The following TUSC3 variants were observed in gnomAD, a reference collection of about 807,000 sequenced individuals.
TUSC3 encodes dolichyl-diphosphooligosaccharide--protein glycosyltransferase subunit TUSC3.
In TUSC3, 45 loss-of-function variants were observed where a neutral mutation model predicts 44.8. The ratio of observed to expected loss-of-function variants is 1.00; its 90% confidence interval spans 0.79 to 1.29. The LOEUF (loss-of-function observed/expected upper bound fraction) is 1.29. TUSC3 is among the 50% of genes most tolerant of loss of function. The pLI, the probability that TUSC3 is intolerant of heterozygous loss-of-function variation, is 0.00. For synonymous variants in TUSC3, 212 were observed against 152.9 expected (o/e 1.39, Z -2.85); for missense variants, 519 against 437.9 (o/e 1.19, Z -1.65).
intron 2 of TUSC3, among the ~76,000 whole-genome samples, chr8:15,517,628 T>A (rs9325757): frequency 0.98 from 148,091 of 150,838 alleles, 72,742 homozygotes; most frequent in East Asian, 1. Context: ...TTACAAAATT[T>A]ACGAATGTAT....
intron 7 of TUSC3, among the ~76,000 whole-genome samples, chr8:15,736,190 C>T (rs557130051): frequency 1.9e-4 from 29 of 152,264 alleles, no homozygotes; most frequent in Admixed American, 1.7e-3. Flanking sequence ...GACAAGATGT[C>T]TGATGGTGTG....
chr8:15,740,449 C>T (rs946057598), intron 7 of TUSC3, among the ~76,000 whole-genome samples: 3 of 150,382 alleles, frequency 2.0e-5, no homozygotes, highest in Non-Finnish European at 4.4e-5. Context: ...TCAGTCAATT[C>T]GTATCTGGAA....
At chr8:15,672,478 G>A (rs1343958745) in intron 5 of TUSC3, among the ~76,000 whole-genome samples, 4 of 151,906 alleles carry the variant, frequency 2.6e-5, no homozygotes, top group African/African-American at 4.8e-5. Flanking sequence ...GGAAACTGAG[G>A]CCCAAAGCAA....
chr8:15,665,090 C>T (rs1349213258), intron 5 of TUSC3, among the ~76,000 whole-genome samples: 2 of 151,504 alleles, frequency 1.3e-5, no homozygotes, highest in South Asian at 2.1e-4. Context: ...ACTAATATCT[C>T]ATTTTTCCTT....
chr8:15,694,245 C>G (rs550649531), intron 6 of TUSC3, among the ~76,000 whole-genome samples: 4 of 151,994 alleles, frequency 2.6e-5, no homozygotes, highest in African/African-American at 7.2e-5. Context: ...GAGTTTCATA[C>G]CAGCCTAGCC....
intron 1 of TUSC3, among the ~76,000 whole-genome samples, chr8:15,550,490 T>G (rs2129136369): frequency 6.6e-6 from 1 of 151,804 alleles, no homozygotes; most frequent in Admixed American, 6.6e-5. Flanking sequence ...AAAACAAGGT[T>G]TCCTCATACC....
intron 2 of TUSC3, among the ~76,000 whole-genome samples, chr8:15,506,129 C>G (rs1164210772): frequency 1.3e-5 from 2 of 152,170 alleles, no homozygotes; most frequent in Non-Finnish European, 2.9e-5. Context: ...GTGACTTCCA[C>G]ATCATACCAG....
At chr8:15,525,980 G>C (rs565314555) in intron 2 of TUSC3, among the ~76,000 whole-genome samples, 2 of 152,162 alleles carry the variant, frequency 1.3e-5, no homozygotes, top group South Asian at 4.2e-4. Flanking sequence ...AGACAGTGAG[G>C]GTTTTCAAGC....
At chr8:15,604,581 G>A (rs1194764066) in intron 1 of TUSC3, among the ~76,000 whole-genome samples, 3 of 151,684 alleles carry the variant, frequency 2.0e-5, no homozygotes, top group African/African-American at 7.3e-5. Flanking sequence ...TTGCAAAGGG[G>A]ATTAACTTTT....
Position 15,482,247 on chromosome 8 carries a change from C to T in TUSC3, n.92-1139C>T, listed in dbSNP as rs544653118. ...TTCCACCACAATTCCAGTTAAACTT[C>T]CTCCACTGAAGTCTTGAGCCCCTCA... is the stretch of plus-strand genomic sequence containing the variant. On this transcript the variant is annotated intron_variant and non_coding_transcript_variant, in intron 1 of 5. Transcript: ENST00000503191. Among the ~76,000 whole-genome samples, 6 of 152,294 alleles carry T rather than the reference C, an allele frequency of 3.9e-5. No individual in the cohort carries two copies. In the South Asian group the frequency reaches 1.0e-3, roughly 26 times the overall value.
chr8:15,511,605 C>T (rs185711527), intron 2 of TUSC3, among the ~76,000 whole-genome samples: 39 of 152,232 alleles, frequency 2.6e-4, no homozygotes, highest in African/African-American at 8.7e-4. Context: ...TGCAGTAGCT[C>T]ACGCCTGTAA....
At chr8:15,530,000 T>C (rs1174726538) in intron 2 of TUSC3, among the ~76,000 whole-genome samples, 1 of 124,090 alleles carries the variant, frequency 8.1e-6, no homozygotes. Context: ...TTAGCCAGGA[T>C]GGTCTCGATC....
intron 1 of TUSC3, among the ~76,000 whole-genome samples, chr8:15,562,540 G>A (rs1802516409): frequency 6.6e-6 from 1 of 152,150 alleles, no homozygotes; most frequent in Admixed American, 6.5e-5. Context: ...GTCTGGGCAT[G>A]GTGTAGCTGG....
chr8:15,537,170 T>G (rs1423296449), upstream of TUSC3, among the ~76,000 whole-genome samples: 1 of 151,964 alleles, frequency 6.6e-6, no homozygotes, highest in Admixed American at 6.6e-5. Context: ...TCTGAGAGAT[T>G]GCTCTGCACA....
chr8:15,658,000 A>G (rs1168793720), intron 3 of TUSC3, among the ~76,000 whole-genome samples: 1 of 152,160 alleles, frequency 6.6e-6, no homozygotes. Flanking sequence ...GCACTTTTAT[A>G]ATAGCACTCA....
Position 15,650,763 on chromosome 8 carries a change from G to A in TUSC3, c.375G>A (p.Lys125=), listed in dbSNP as rs764578688. The change falls in exon 3 of 11, where the codon AAG becomes AAA. Residue 125 remains lysine, a synonymous_variant. Transcript: ENST00000503731. ...SWRYSSAFCN[K]LFFSMVDYDE... ...GCTATTCATCTGCTTTTTGTAACAA[G>A]CTCTTCTTCAGTATGGTGGACTATG... 6.2e-7 allele frequency: 1 copy of A among 1,614,094 alleles called. No individual in the cohort carries two copies. The highest frequency in any genetic ancestry group is 8.5e-7 in the Non-Finnish European group (1 of 1,180,020).
the TUSC3 span, among the ~76,000 whole-genome samples, chr8:15,819,072 A>AG: frequency 6.6e-6 from 1 of 152,126 alleles, no homozygotes; most frequent in Non-Finnish European, 1.5e-5. Context: ...AAGAAAAAAA[A>AG]AATTATTTTA....
At chr8:15,449,130 T>C (rs1800159745) in intron 1 of TUSC3, among the ~76,000 whole-genome samples, 1 of 152,120 alleles carries the variant, frequency 6.6e-6, no homozygotes, top group Non-Finnish European at 1.5e-5. Flanking sequence ...AGCTGGGAAG[T>C]GAAGCCTCTG....
At chr8:15,633,071 C>G (rs1242759561) in intron 2 of TUSC3, among the ~76,000 whole-genome samples, 1 of 152,084 alleles carries the variant, frequency 6.6e-6, no homozygotes, top group Non-Finnish European at 1.5e-5. Context: ...TTTAGTAGAG[C>G]TAAGGGATAT....
Sources: gnomAD v4.1 joint callset for allele counts (sites outside exome capture counted in the v4.1 genomes callset) on GRCh38, gnomAD v4.1.1 for gene constraint, MANE v1.5 for transcripts, NCBI Gene and HGNC (gene_info 2026-07-23, HGNC 2026-07-21) for gene names.